Variants in TNS1 observed in about 807,000 individuals in gnomAD.
The protein encoded by TNS1 is tensin 1.
TNS1 carries 62 observed loss-of-function variants against 168.6 expected under a neutral mutation model. The ratio of observed to expected loss-of-function variants is 0.37; its 90% CI spans 0.30 to 0.45. The LOEUF (loss-of-function observed/expected upper bound fraction) is 0.45. TNS1 is among the 20% of genes least tolerant of loss of function. TNS1 has a pLI of 1.00. For missense variants in TNS1, 2,240 were observed against 2,339.4 expected (o/e 0.96, Z 0.88); for synonymous variants, 934 against 933.2 (o/e 1.00, Z -0.02).
At chr2:217,882,178 G>C (rs1314258034) in intron 17 of TNS1, 168 bp downstream of exon 17, 1 of 570,144 alleles carries the variant, frequency 1.8e-6, no homozygotes, top group African/African-American at 2.0e-5. Flanking sequence ...TTAAGTCACT[G>C]GTTCATGTTT....
At chr2:217,900,356 G>A (rs1952819038) in intron 7 of TNS1, 107 bp downstream of exon 7, 1 of 1,301,192 alleles carries the variant, frequency 7.7e-7, no homozygotes, top group African/African-American at 1.5e-5. Flanking sequence ...CCCACCCGTG[G>A]CTTTATGGCT....
chr2:217,818,119 C>A lies in TNS1; in HGVS notation c.4213G>T (p.Gly1405Cys), dbSNP rs1942206170. 1 of 1,613,870 alleles carries A rather than the reference C, an allele frequency of 6.2e-7. No individual in the cohort carries two copies. The highest frequency in any genetic ancestry group is 2.2e-5 in the East Asian group (1 of 44,884). The change falls in exon 24 of 33, where the codon GGC (glycine) becomes TGC (cysteine). Residue 1405 changes from glycine (G) to cysteine (C), a missense_variant. By Grantham distance (159) the Gly-to-Cys change is radical. Transcript: ENST00000682258. Reference sequence around the variant, plus strand: ...GATCCAGACCCTCCGAGGTGACGGCCCAGGCTGGGGCTTCCAGGGCTGGCT... The same window carrying A: ...GATCCAGACCCTCCGAGGTGACGGCACAGGCTGGGGCTTCCAGGGCTGGCT... ...AIASPGSPSL[G>C]RHLGGSGSVV...
rs542028574 is a variant in TNS1 at position 217,980,436 on chromosome 2, C to A, written c.149-1634G>T. On this transcript the variant is annotated intron_variant, in intron 2 of 32. Coordinates refer to ENST00000682258, the MANE Select transcript of TNS1 (RefSeq NM_001387777.1). ...CACCCCATCCAAATAGAGGAAACGT[C>A]CCCTTTGTTGGTCCAACAGTGTGGG... 2.0e-5 allele frequency among the ~76,000 whole-genome samples: 3 copies of A among 151,996 alleles called. No individual in the cohort carries two copies. In the South Asian group the frequency reaches 6.2e-4, roughly 32 times the overall value.
chr2:218,015,673 A>G (rs888035697), intron 1 of TNS1, among the ~76,000 whole-genome samples: 2 of 151,926 alleles, frequency 1.3e-5, no homozygotes, highest in South Asian at 4.2e-4. Flanking sequence ...CTCAGGGCTG[A>G]GAATCCCAGG....
At chr2:217,816,051 C>G (rs370930773) in intron 24 of TNS1, among the ~76,000 whole-genome samples, 23 of 152,282 alleles carry the variant, frequency 1.5e-4, no homozygotes, top group African/African-American at 5.5e-4. Flanking sequence ...GGAGGGAGCT[C>G]AGACAGGACA....
At chr2:218,001,831 C>T (rs941889749) in intron 1 of TNS1, among the ~76,000 whole-genome samples, 6 of 152,054 alleles carry the variant, frequency 3.9e-5, no homozygotes, top group Non-Finnish European at 8.8e-5. Context: ...CAAGAGGGCC[C>T]TCCCGAGGAC....
chr2:218,031,852 G>C (rs975511296), intron 1 of TNS1, among the ~76,000 whole-genome samples: 2 of 152,184 alleles, frequency 1.3e-5, no homozygotes, highest in African/African-American at 2.4e-5. Context: ...GTAGTTCTCC[G>C]GGCTGAAAGA....
In TNS1 at chr2:217,813,076, C is replaced by CATTTT; in HGVS notation, c.4954+134_4954+138dup. 1 of 656,912 alleles carries CATTTT rather than the reference C, an allele frequency of 1.5e-6. No individual in the cohort carries two copies. Among genetic ancestry groups the CATTTT allele is most frequent in the Non-Finnish European group, 2.7e-6 (1 of 367,940 alleles). 40.7% of individuals were successfully genotyped at this position (656,912 alleles called of 1,614,324 possible). On this transcript the variant is annotated intron_variant, in intron 27 of 32. Coordinates refer to ENST00000682258, the MANE Select transcript of TNS1 (RefSeq NM_001387777.1). The surrounding 1 kb of genome is among the most constrained non-coding windows in gnomAD (Gnocchi z 4.0). The stretch of plus-strand genomic sequence containing the variant: ...CTGCGGAGGGAGAGAAGCTTTCATT[C>CATTTT]ATTTTCTCTGCTGAATTTATGACAA...
At chr2:217,993,316 C>A (rs1958411530) in intron 1 of TNS1, among the ~76,000 whole-genome samples, 1 of 152,182 alleles carries the variant, frequency 6.6e-6, no homozygotes, top group African/African-American at 2.4e-5. Flanking sequence ...CAAGCACCTC[C>A]CCACATTATA....
chr2:218,004,131 A>G (rs1441744791), upstream of TNS1, among the ~76,000 whole-genome samples: 2 of 152,138 alleles, frequency 1.3e-5, no homozygotes, highest in Non-Finnish European at 2.9e-5. Flanking sequence ...TGTTCTTTGG[A>G]GCTGTCCAGG....
chr2:217,912,005 G>T (rs552061383), intron 4 of TNS1, among the ~76,000 whole-genome samples: 6 of 152,290 alleles, frequency 3.9e-5, no homozygotes, highest in South Asian at 4.1e-4. Flanking sequence ...GGAACCACAG[G>T]GTGGATAAGG....
At chr2:217,849,645 C>T (rs972214311) in intron 18 of TNS1, 2 of 985,330 alleles carry the variant, frequency 2.0e-6, no homozygotes, top group African/African-American at 1.7e-5. Flanking sequence ...CATCCTCAGT[C>T]CCCTCCGCCA....
In TNS1 at chr2:217,836,135, A is replaced by T. The variant is rs1945138042; in HGVS notation, c.3084T>A (p.Tyr1028Ter). Reference protein sequence around the residue: ...LRRRAASDGQYENQSPEATSP... With the variant: ...LRRRAASDGQ Reference sequence around the variant, plus strand: ...ATGTGGCTTCTGGAGACTGGTTCTCATACTGTCCATCACTGGCCGCCCGCC... The same window carrying T: ...ATGTGGCTTCTGGAGACTGGTTCTCTTACTGTCCATCACTGGCCGCCCGCC... Residue 1028 changes from tyrosine (Y) to a stop codon, truncating the protein, a stop_gained, in exon 20 of 33, where the codon TAT becomes TAA. Transcript: ENST00000682258. LOFTEE classifies it high-confidence loss of function. 1 of 1,613,932 alleles carries T rather than the reference A, an allele frequency of 6.2e-7. No homozygotes were observed. Among genetic ancestry groups the T allele is most frequent in the Admixed American group, 1.7e-5 (1 of 59,998 alleles).
At position 217,923,833 on chromosome 2, in the gene TNS1, G is replaced by A. The variant is rs75284665; in HGVS notation, c.187-3597C>T. Among the ~76,000 whole-genome samples, 2,813 of 152,260 alleles carry A rather than the reference G, an allele frequency of 0.018. 134 individuals carry two copies. In the East Asian group the frequency reaches 0.2, roughly 11 times the overall value. ...TCTGGAGGCTGCGAGGTGGAGCCCC[G>A]TGGGTGCAGCTGGAAGGTGAGCATG... is the stretch of plus-strand genomic sequence containing the variant. On this transcript the variant is annotated intron_variant, in intron 3 of 32. Transcript: ENST00000682258.
At chr2:217,939,891 T>C (rs909706651) in intron 3 of TNS1, among the ~76,000 whole-genome samples, 1 of 152,120 alleles carries the variant, frequency 6.6e-6, no homozygotes, top group African/African-American at 2.4e-5. Context: ...AGTAGGAAGA[T>C]GGCCAAGGCC....
At chr2:217,853,078 C>T (rs1221819584) in intron 18 of TNS1, among the ~76,000 whole-genome samples, 1 of 152,098 alleles carries the variant, frequency 6.6e-6, no homozygotes, top group African/African-American at 2.4e-5. Flanking sequence ...GCCCCCACTC[C>T]GGCACACACA....
At chr2:218,025,596 AC>A (rs60293837) in intron 1 of TNS1, among the ~76,000 whole-genome samples, 37,134 of 150,682 alleles carry the variant, frequency 0.25, 6,675 homozygotes, top group African/African-American at 0.5. Flanking sequence ...CTGAGGCCAG[AC>A]CCCCCCACAG....
chr2:217,908,684 T>C (rs905201198), intron 4 of TNS1, among the ~76,000 whole-genome samples: 1 of 152,184 alleles, frequency 6.6e-6, no homozygotes, highest in African/African-American at 2.4e-5. Flanking sequence ...CAGACTCATC[T>C]ACCCCTACTG....
At chr2:217,884,422 G>A (rs1950997741) in intron 16 of TNS1, among the ~76,000 whole-genome samples, 2 of 152,146 alleles carry the variant, frequency 1.3e-5, no homozygotes, top group South Asian at 4.1e-4. Flanking sequence ...GCATTAATGT[G>A]ATATAGATAA....
Sources: allele counts gnomAD v4.1 joint callset (sites outside exome capture counted in the v4.1 genomes callset), GRCh38; gene constraint gnomAD v4.1.1; non-coding constraint Gnocchi (gnomAD v3.1); transcripts MANE v1.5; gene names NCBI Gene and HGNC (gene_info 2026-07-23, HGNC 2026-07-21).